SCFD1: variants seen among roughly 807,000 people sequenced by gnomAD.
SCFD1 encodes the protein sec1 family domain-containing protein 1.
A neutral mutation model predicts 103.2 loss-of-function variants in SCFD1; 37 were observed. The observed-to-expected ratio is 0.36, with a 90% CI of 0.28 to 0.47. The LOEUF is 0.47. Ranked by LOEUF, SCFD1 falls within the 20% of genes least tolerant of loss-of-function variation. The pLI is 1.00. For missense variants in SCFD1, 639 were observed against 761.2 expected, an observed-to-expected ratio of 0.84 and a Z score of 1.89; for synonymous variants, 264 against 245.0, an observed-to-expected ratio of 1.08 and a Z score of -0.73.
chr14:30,622,408 T>C lies in SCFD1; in HGVS notation c.61+9T>C. The C allele has an allele frequency of 6.4e-7, 1 of 1,551,846 alleles. No individual in the cohort carries two copies. The highest frequency in any genetic ancestry group is 8.7e-7 in the Non-Finnish European group (1 of 1,147,040). ...TCGGGAAAGGCAGACAGGTACTGAC[T>C]TATTCTCTTCTCCTTGAAGCTTCGT... On this transcript the variant is annotated intron_variant, in intron 1 of 24. Coordinates refer to ENST00000458591, the MANE Select transcript of SCFD1 (RefSeq NM_016106.4).
chr14:30,714,307 T>C (rs1454546836), intron 19 of SCFD1, among the ~76,000 whole-genome samples: 2 of 150,768 alleles, frequency 1.3e-5, no homozygotes, highest in Non-Finnish European at 2.9e-5. Flanking sequence ...TGAGCCGAGA[T>C]TGCGCCACTG....
chr14:30,678,292 C>T (rs10139154), intron 14 of SCFD1, among the ~76,000 whole-genome samples: 69,448 of 151,976 alleles, frequency 0.46, 18,524 homozygotes, highest in African/African-American at 0.73. Context: ...AAGAAATTAA[C>T]CTTTTTAGAA....
intron 23 of SCFD1, among the ~76,000 whole-genome samples, chr14:30,725,408 T>G (rs1892974163): frequency 6.6e-6 from 1 of 152,192 alleles, no homozygotes; most frequent in African/African-American, 2.4e-5. Context: ...ACCTCCCTAG[T>G]TAGCTGTTTT....
chr14:30,630,701 G>C lies in SCFD1; in HGVS notation c.221+136G>C, dbSNP rs942194828. The stretch of plus-strand genomic sequence containing the variant: ...TTCTTTATTCAACCCCTTATTTCTG[G>C]GATTTAAAAAAATCCTCAGTCTGAG... On this transcript the variant is annotated intron_variant, in intron 3 of 24. Transcript: ENST00000458591. 5.2e-6 allele frequency: 3 copies of C among 576,662 alleles called. No individual in the cohort carries two copies. In the African/African-American group the frequency reaches 5.8e-5, roughly 11 times the overall value. 35.7% of individuals were successfully genotyped at this position (576,662 alleles called of 1,614,324 possible).
chr14:30,654,992 C>G (rs1886762705), intron 10 of SCFD1, among the ~76,000 whole-genome samples: 1 of 152,156 alleles, frequency 6.6e-6, no homozygotes, highest in Non-Finnish European at 1.5e-5. Flanking sequence ...ATTTGAGTGC[C>G]TACTCTTTAA....
At chr14:30,625,559 C>A (rs1883304594) in intron 1 of SCFD1, among the ~76,000 whole-genome samples, 1 of 151,572 alleles carries the variant, frequency 6.6e-6, no homozygotes, top group African/African-American at 2.4e-5. Flanking sequence ...CTTGTAAACT[C>A]TGAACACAGG....
intron 14 of SCFD1, among the ~76,000 whole-genome samples, chr14:30,692,032 C>T (rs936678687): frequency 6.6e-6 from 1 of 151,884 alleles, no homozygotes; most frequent in African/African-American, 2.4e-5. Flanking sequence ...GCGATCCTCT[C>T]ACCTCAGCCT....
At chr14:30,630,408 A>C in intron 2 of SCFD1, 69 bp from the exon 3 acceptor site, 1 of 883,594 alleles carries the variant, frequency 1.1e-6, no homozygotes, top group Non-Finnish European at 1.9e-6. Context: ...ATTTACTTCA[A>C]CATTGTCTTA....
chr14:30,679,845 G>A (rs1180588433), intron 14 of SCFD1, among the ~76,000 whole-genome samples: 1 of 152,186 alleles, frequency 6.6e-6, no homozygotes, highest in Non-Finnish European at 1.5e-5. Flanking sequence ...CATATCAAGT[G>A]AAAGTTCTTA....
intron 1 of SCFD1, among the ~76,000 whole-genome samples, chr14:30,622,859 G>A (rs548830507): frequency 6.6e-6 from 1 of 152,120 alleles, no homozygotes; most frequent in Non-Finnish European, 1.5e-5. Flanking sequence ...CAGTCTTTTG[G>A]GGGTACCTGC....
At chr14:30,679,163 A>G (rs1486438589) in intron 14 of SCFD1, among the ~76,000 whole-genome samples, 1 of 152,144 alleles carries the variant, frequency 6.6e-6, no homozygotes, top group Non-Finnish European at 1.5e-5. Context: ...CAGTAGCCAC[A>G]TTATTAACAT....
chr14:30,628,665 T>A (rs1883777153), intron 2 of SCFD1, among the ~76,000 whole-genome samples: 1 of 152,218 alleles, frequency 6.6e-6, no homozygotes, highest in Admixed American at 6.5e-5. Flanking sequence ...CTGTAAACTG[T>A]AATACCACTT....
At chr14:30,653,747 G>C (rs1193806068) in intron 10 of SCFD1, 159 bp downstream of exon 10, 1 of 477,674 alleles carries the variant, frequency 2.1e-6, no homozygotes, top group Non-Finnish European at 3.7e-6. Flanking sequence ...ACTGGGTGTG[G>C]ATGCTGGAAA....
At chr14:30,666,758 A>T (rs1888012959) in intron 10 of SCFD1, among the ~76,000 whole-genome samples, 1 of 152,262 alleles carries the variant, frequency 6.6e-6, no homozygotes, top group South Asian at 2.1e-4. Flanking sequence ...CTACCATCAG[A>T]GAATACTATA....
chr14:30,700,122 T>G (rs935649290), intron 15 of SCFD1, 66 bp from the exon 16 acceptor site: 2 of 1,104,282 alleles, frequency 1.8e-6, no homozygotes, highest in Non-Finnish European at 2.7e-6. Flanking sequence ...AACATACTTG[T>G]GTTGACTATA....
intron 7 of SCFD1, among the ~76,000 whole-genome samples, chr14:30,647,893 C>T (rs577940790): frequency 1.1e-4 from 16 of 152,146 alleles, no homozygotes; most frequent in African/African-American, 2.9e-4. Context: ...TCAGGTGATC[C>T]GCCCGCCTCA....
intron 10 of SCFD1, among the ~76,000 whole-genome samples, chr14:30,664,402 C>T (rs1041357042): frequency 1.2e-4 from 18 of 152,110 alleles, no homozygotes; most frequent in African/African-American, 4.1e-4. Flanking sequence ...AGGTCACCAT[C>T]ATCAAAGACC....
At chr14:30,724,255 T>G (rs1234084931) in intron 23 of SCFD1, among the ~76,000 whole-genome samples, 45 of 134,266 alleles carry the variant, frequency 3.4e-4, no homozygotes, top group Non-Finnish European at 6.3e-5. Flanking sequence ...GTTTTTTTTT[T>G]TTTTTTTTTT....
At chr14:30,729,844 A>G (rs893208609) in intron 23 of SCFD1, among the ~76,000 whole-genome samples, 1 of 151,582 alleles carries the variant, frequency 6.6e-6, no homozygotes, top group Admixed American at 6.6e-5. Context: ...TCTTCAGAGT[A>G]TATTTTTATG....
Sources: allele counts gnomAD v4.1 joint callset (sites outside exome capture counted in the v4.1 genomes callset), GRCh38; gene constraint gnomAD v4.1.1; transcripts MANE v1.5; gene names NCBI Gene and HGNC (gene_info 2026-07-23, HGNC 2026-07-21).